ACVR1: variants seen among roughly 807,000 people sequenced by gnomAD.
The protein encoded by ACVR1 is activin receptor type-1.
A neutral mutation model predicts 57.1 loss-of-function variants in ACVR1; 38 were observed. The ratio of observed to expected loss-of-function variants is 0.67; its 90% CI spans 0.51 to 0.87. The LOEUF (loss-of-function observed/expected upper bound fraction) is 0.87. Among genes scored for constraint, ACVR1 ranks in the 40% least tolerant of loss-of-function variants. The probability of loss-of-function intolerance (pLI) is 0.00; values close to 1 mark genes in which losing one functional copy is unlikely to be tolerated. For synonymous variants in ACVR1, 212 were observed against 228.1 expected (o/e 0.93, Z 0.63); for missense variants, 463 against 638.2 (o/e 0.73, Z 2.96).
intron 5 of ACVR1, among the ~76,000 whole-genome samples, chr2:157,774,792 C>A (rs1686215781): frequency 6.6e-6 from 1 of 152,092 alleles, no homozygotes; most frequent in African/African-American, 2.4e-5. Flanking sequence ...ATGAAAGAAG[C>A]TGAGCAGACA....
At chr2:157,795,153 T>C (rs1256651942) in intron 3 of ACVR1, among the ~76,000 whole-genome samples, 4 of 152,108 alleles carry the variant, frequency 2.6e-5, no homozygotes, top group Non-Finnish European at 5.9e-5. Flanking sequence ...TCTATTTCCT[T>C]TTAAACGCAG....
chr2:157,839,921 C>T (rs1688921214), intron 1 of ACVR1, among the ~76,000 whole-genome samples: 1 of 152,186 alleles, frequency 6.6e-6, no homozygotes, highest in African/African-American at 2.4e-5. Context: ...TCCTTCTCGG[C>T]AACAACTCCT....
intron 3 of ACVR1, among the ~76,000 whole-genome samples, chr2:157,781,227 A>T (rs1327124906): frequency 6.6e-6 from 1 of 152,230 alleles, no homozygotes; most frequent in East Asian, 1.9e-4. Flanking sequence ...ATCCTGGCTG[A>T]GCATCTCAAA....
intron 9 of ACVR1, among the ~76,000 whole-genome samples, chr2:157,746,172 G>A (rs1574010911): frequency 1.3e-5 from 2 of 152,154 alleles, no homozygotes; most frequent in African/African-American, 2.4e-5. Flanking sequence ...GGCAGAAGAC[G>A]GCCACTGTGA....
At chr2:157,852,542 A>C (rs1422500401) in intron 1 of ACVR1, among the ~76,000 whole-genome samples, 1 of 152,038 alleles carries the variant, frequency 6.6e-6, no homozygotes, top group Non-Finnish European at 1.5e-5. Flanking sequence ...CCTTGGAAAA[A>C]GAAAGGGAAA....
intron 6 of ACVR1, among the ~76,000 whole-genome samples, chr2:157,773,094 G>A (rs778922555): frequency 6.6e-6 from 1 of 152,136 alleles, no homozygotes; most frequent in Non-Finnish European, 1.5e-5. Flanking sequence ...TCCAGCCCTC[G>A]GAAACCATGA....
intron 1 of ACVR1, among the ~76,000 whole-genome samples, chr2:157,853,703 A>G (rs964560352): frequency 3.3e-5 from 5 of 152,234 alleles, no homozygotes; most frequent in Non-Finnish European, 7.3e-5. Context: ...AGTAGTCTTC[A>G]TGACATAGCC....
intron 7 of ACVR1, among the ~76,000 whole-genome samples, chr2:157,766,441 A>G (rs1477544956): frequency 6.6e-6 from 1 of 152,226 alleles, no homozygotes; most frequent in Non-Finnish European, 1.5e-5. Flanking sequence ...TTTAAAAGAT[A>G]TTTTACATTC....
chr2:157,760,981 T>C lies in ACVR1; in HGVS notation c.1163A>G (p.Asp388Gly). 1 of 1,614,182 alleles carries C rather than the reference T, an allele frequency of 6.2e-7. No homozygotes were observed. Among genetic ancestry groups the C allele is most frequent in the Non-Finnish European group, 8.5e-7 (1 of 1,180,030 alleles). The change falls in exon 9 of 11, where the codon GAT becomes GGT. Residue 388 changes from aspartate (D) to glycine (G), a missense_variant. Transcript: ENST00000434821. ...GAAACAATCCACCTGGATGGTTTCATCTAGAACTTCGGGGGCCATGTAGCG... is the reference window on the plus strand; with the variant it reads ...GAAACAATCCACCTGGATGGTTTCACCTAGAACTTCGGGGGCCATGTAGCG... The part of the protein sequence containing the change: ...TKRYMAPEVL[D>G]ETIQVDCFDS...
intron 9 of ACVR1, among the ~76,000 whole-genome samples, chr2:157,743,856 G>A (rs1684866866): frequency 6.6e-6 from 1 of 152,056 alleles, no homozygotes; most frequent in Non-Finnish European, 1.5e-5. Context: ...AAGAAACTGT[G>A]GACCTGGCTA....
chr2:157,824,172 A>T (rs1688254939), intron 1 of ACVR1, among the ~76,000 whole-genome samples: 1 of 152,234 alleles, frequency 6.6e-6, no homozygotes, highest in Non-Finnish European at 1.5e-5. Flanking sequence ...TGACTCATCA[A>T]AATAGCAATT....
At chr2:157,754,629 GA>G (rs142443509) in intron 9 of ACVR1, among the ~76,000 whole-genome samples, 3 of 151,424 alleles carry the variant, frequency 2.0e-5, no homozygotes, top group African/African-American at 7.3e-5. Context: ...AATTACCAAT[GA>G]AAAAAAAGTC....
At chr2:157,798,502 T>TATC (rs1687203306) in intron 3 of ACVR1, among the ~76,000 whole-genome samples, 1 of 132,096 alleles carries the variant, frequency 7.6e-6, no homozygotes, top group African/African-American at 2.8e-5. Context: ...CACCATAATA[T>TATC]ATCACATTTG....
chr2:157,826,676 G>C (rs1246953577), intron 1 of ACVR1: 3 of 102,298 alleles, frequency 2.9e-5, no homozygotes, highest in Non-Finnish European at 6.3e-5. Context: ...AGAAACAAAA[G>C]AAAAGAAAGA....
intron 3 of ACVR1, among the ~76,000 whole-genome samples, chr2:157,784,016 T>C (rs1047629883): frequency 4.6e-5 from 7 of 152,208 alleles, no homozygotes; most frequent in African/African-American, 1.7e-4. Context: ...TGAACTAGAA[T>C]TATGAAGTCA....
At chr2:157,781,720 G>C (rs1686531980) in intron 3 of ACVR1, among the ~76,000 whole-genome samples, 1 of 152,196 alleles carries the variant, frequency 6.6e-6, no homozygotes, top group Non-Finnish European at 1.5e-5. Flanking sequence ...GTCTCTTTCT[G>C]AGAATACTTA....
chr2:157,855,306 G>GTA lies in ACVR1; in HGVS notation c.-183+20489_-183+20490insTA, dbSNP rs1459134497. 2.3e-4 allele frequency among the ~76,000 whole-genome samples: 12 copies of GTA among 53,160 alleles called. No individual in the cohort carries two copies. In the South Asian group the frequency reaches 4.0e-3, roughly 18 times the overall value. The allele number at this position is 53,160 out of a possible 152,430, so 34.9% of individuals were successfully genotyped here. A position where few individuals can be genotyped will look rare whatever the true frequency, so the allele number is the denominator to read the frequency against. ...TGTGTGTGTGTGTGTGTGTGTGTGT[G>GTA]TGTATATATATATATATACACACAC... On this transcript the variant is annotated intron_variant, in intron 1 of 10. Coordinates refer to ENST00000434821, the MANE Select transcript of ACVR1 (RefSeq NM_001111067.4).
intron 3 of ACVR1, among the ~76,000 whole-genome samples, chr2:157,781,490 G>A (rs1362535083): frequency 1.3e-5 from 2 of 152,160 alleles, no homozygotes; most frequent in African/African-American, 2.4e-5. Flanking sequence ...AGATTATAGT[G>A]GGAATTAACA....
intron 5 of ACVR1, among the ~76,000 whole-genome samples, chr2:157,777,919 A>T (rs1686352579): frequency 6.6e-6 from 1 of 152,138 alleles, no homozygotes. Flanking sequence ...AATAAATCCC[A>T]TCCCTTATTT....
Sources: gnomAD v4.1 joint callset for allele counts (sites outside exome capture counted in the v4.1 genomes callset) on GRCh38, gnomAD v4.1.1 for gene constraint, MANE v1.5 for transcripts, NCBI Gene and HGNC (gene_info 2026-07-23, HGNC 2026-07-21) for gene names.